The following PDE1C variants were observed in gnomAD, a reference collection of about 807,000 sequenced individuals.
The protein encoded by PDE1C is phosphodiesterase 1C, also known as dual specificity calcium/calmodulin-dependent 3',5'-cyclic nucleotide phosphodiesterase 1C.
PDE1C carries 62 observed loss-of-function variants against 93.1 expected under a neutral mutation model. The ratio of observed to expected loss-of-function variants is 0.67; its 90% CI spans 0.54 to 0.82. The LOEUF is 0.82. Ranked by LOEUF, PDE1C falls within the 40% of genes least tolerant of loss-of-function variation. The pLI is 0.00. For synonymous variants in PDE1C, 325 were observed against 310.1 expected, an observed-to-expected ratio of 1.05 and a Z score of -0.50; for missense variants, 742 against 884.6, an observed-to-expected ratio of 0.84 and a Z score of 2.04.
At chr7:31,939,228 A>AG (rs1283271958) in intron 2 of PDE1C, among the ~76,000 whole-genome samples, 10 of 151,604 alleles carry the variant, frequency 6.6e-5, no homozygotes, top group African/African-American at 2.4e-4. Flanking sequence ...CAGAAGAAGA[A>AG]GAAGGAGGAG....
chr7:31,625,832 T>A, the PDE1C span, among the ~76,000 whole-genome samples: 2 of 148,282 alleles, frequency 1.3e-5, no homozygotes, highest in African/African-American at 4.9e-5. Context: ...TTTTTTTAAA[T>A]TTTTTCTTTA....
At chr7:31,651,928 T>C in the PDE1C span, 1 of 1,566,898 alleles carries the variant, frequency 6.4e-7, no homozygotes, top group African/African-American at 1.4e-5. Flanking sequence ...TTTTCTATTA[T>C]TTACTTGCAG....
At chr7:32,413,395 C>G (rs1785212695) in intron 1 of PDE1C, among the ~76,000 whole-genome samples, 1 of 152,122 alleles carries the variant, frequency 6.6e-6, no homozygotes, top group African/African-American at 2.4e-5. Context: ...TGTTTTAACA[C>G]TGGAAGAAAA....
At chr7:32,082,439 C>G (rs1796746811) in intron 3 of PDE1C, among the ~76,000 whole-genome samples, 1 of 152,370 alleles carries the variant, frequency 6.6e-6, no homozygotes, top group East Asian at 1.9e-4. Context: ...GGACAGGGCA[C>G]AGACAAACAA....
At chr7:32,081,327 G>C (rs1796650551) in intron 3 of PDE1C, among the ~76,000 whole-genome samples, 1 of 152,224 alleles carries the variant, frequency 6.6e-6, no homozygotes, top group Admixed American at 6.5e-5. Context: ...AGAGCCAACA[G>C]AGACTTCTGA....
chr7:32,382,326 T>C (rs999571079), intron 1 of PDE1C, among the ~76,000 whole-genome samples: 1 of 152,194 alleles, frequency 6.6e-6, no homozygotes, highest in Non-Finnish European at 1.5e-5. Context: ...AGCTGGTCCC[T>C]AACAGGTCCC....
intron 1 of PDE1C, among the ~76,000 whole-genome samples, chr7:32,261,489 T>A (rs62457467): frequency 0.12 from 17,804 of 152,172 alleles, 1,196 homozygotes; most frequent in African/African-American, 0.16. Context: ...AAAACTCCAG[T>A]CTCTCGCACA....
intron 3 of PDE1C, among the ~76,000 whole-genome samples, chr7:32,154,120 G>A (rs1225803157): frequency 1.3e-5 from 2 of 152,080 alleles, no homozygotes; most frequent in Admixed American, 6.5e-5. Context: ...TTAGCCAGGT[G>A]TAGTCACTTG....
intron 2 of PDE1C, among the ~76,000 whole-genome samples, chr7:32,187,754 A>G (rs1803977763): frequency 6.7e-6 from 1 of 148,936 alleles, no homozygotes; most frequent in Non-Finnish European, 1.5e-5. Flanking sequence ...TAACAACTTT[A>G]AGCCAATAAA....
At chr7:31,988,380 G>T (rs1260800977) in intron 2 of PDE1C, among the ~76,000 whole-genome samples, 1 of 152,168 alleles carries the variant, frequency 6.6e-6, no homozygotes, top group Non-Finnish European at 1.5e-5. Context: ...CACTTTTAAA[G>T]GTTTCTATGT....
At chr7:32,166,081 G>A (rs1802247204) in intron 3 of PDE1C, among the ~76,000 whole-genome samples, 1 of 151,928 alleles carries the variant, frequency 6.6e-6, no homozygotes, top group Middle Eastern at 3.2e-3. Context: ...ATGTGAAGCG[G>A]TGGATATGTT....
intron 1 of PDE1C, among the ~76,000 whole-genome samples, chr7:32,414,246 A>G (rs1158757520): frequency 6.6e-6 from 1 of 151,770 alleles, no homozygotes; most frequent in Non-Finnish European, 1.5e-5. Context: ...AAAATAATAA[A>G]TAATAAAGGG....
intron 1 of PDE1C, among the ~76,000 whole-genome samples, chr7:32,420,327 GTATATATATATGTGTATATATATGTGTA>G (rs1177475479): frequency 2.2e-4 from 1 of 4,586 alleles, no homozygotes; most frequent in African/African-American, 5.5e-4. Flanking sequence ...ATATATATGT[GTATATATATATGTGTATATATATGTGTA>G]TATATATATG....
chr7:31,824,404 G>A (rs1210079076), intron 13 of PDE1C, among the ~76,000 whole-genome samples: 1 of 152,164 alleles, frequency 6.6e-6, no homozygotes, highest in Non-Finnish European at 1.5e-5. Flanking sequence ...AGGAGTAAGT[G>A]ATGAGGAGCT....
At chr7:31,659,247 T>C in the PDE1C span, among the ~76,000 whole-genome samples, 1 of 152,236 alleles carries the variant, frequency 6.6e-6, no homozygotes, top group Admixed American at 6.5e-5. Context: ...ATTGCTTTGT[T>C]AGCCGCTCCT....
At chr7:32,364,246 AT>A (rs1018560696) in intron 1 of PDE1C, among the ~76,000 whole-genome samples, 2 of 152,174 alleles carry the variant, frequency 1.3e-5, no homozygotes, top group African/African-American at 2.4e-5. Context: ...ATTTAAATTC[AT>A]TTTTTTAAGT....
the PDE1C span, among the ~76,000 whole-genome samples, chr7:31,698,203 T>C: frequency 6.6e-6 from 1 of 152,250 alleles, no homozygotes; most frequent in South Asian, 2.1e-4. Context: ...TTTCATTTAA[T>C]AAAGAAAAAA....
At chr7:32,018,950 G>A (rs1352313567) in intron 2 of PDE1C, among the ~76,000 whole-genome samples, 1 of 151,924 alleles carries the variant, frequency 6.6e-6, no homozygotes, top group Non-Finnish European at 1.5e-5. Flanking sequence ...AGCTTGAAAA[G>A]ATCTCCTACT....
chr7:31,736,541 C>T, the PDE1C span, among the ~76,000 whole-genome samples: 2 of 152,048 alleles, frequency 1.3e-5, no homozygotes, highest in African/African-American at 4.8e-5. Flanking sequence ...TTGGTCCAAC[C>T]GTGTGGCTTT....
Sources: gnomAD v4.1 joint callset for allele counts (sites outside exome capture counted in the v4.1 genomes callset) on GRCh38, gnomAD v4.1.1 for gene constraint, MANE v1.5 for transcripts, NCBI Gene and HGNC (gene_info 2026-07-23, HGNC 2026-07-21) for gene names.